Variants in MBNL3 observed in about 807,000 individuals in gnomAD.
The protein encoded by MBNL3 is muscleblind-like protein 3.
MBNL3 carries 6 observed loss-of-function variants against 24.5 expected under a neutral mutation model. That is an observed-to-expected ratio of 0.25 (90% CI 0.13 to 0.48). The LOEUF is 0.48. Ranked by LOEUF, MBNL3 falls within the 20% of genes least tolerant of loss-of-function variation. The pLI is 0.99. For synonymous variants in MBNL3, 100 were observed against 101.7 expected (o/e 0.98, Z 0.10); for missense variants, 230 against 293.5 (o/e 0.78, Z 1.58).
chrX:132,442,113 A>T (rs1252750115), intron 1 of MBNL3, among the ~76,000 whole-genome samples: 2 of 111,460 alleles, frequency 1.8e-5, no homozygotes, highest in Non-Finnish European at 3.8e-5. Context: ...AGGGCGAATG[A>T]CTGCTTAATG....
chrX:132,482,426 T>G (rs1325044360), intron 1 of MBNL3, among the ~76,000 whole-genome samples: 1 of 111,767 alleles, frequency 8.9e-6, no homozygotes, highest in Non-Finnish European at 1.9e-5. Context: ...ATCCACAGGC[T>G]TTAGCCCTTC....
chrX:132,477,071 A>G (rs1947480858), intron 1 of MBNL3, among the ~76,000 whole-genome samples: 2 of 112,205 alleles, frequency 1.8e-5, no homozygotes, highest in Admixed American at 1.9e-4. Context: ...AAAGAATTAA[A>G]ACCTTTAGCT....
At position 132,413,444 on chromosome X, in the gene MBNL3, A is replaced by G. The variant is rs146523239; in HGVS notation, c.178-7052T>C. 3.2e-3 allele frequency: 3,544 copies of G among 1,097,257 alleles called. 58 individuals carry two copies. In the African/African-American group the frequency reaches 0.055, roughly 17 times the overall value. 90.4% of individuals were successfully genotyped at this position (1,097,257 alleles called of 1,213,427 possible). A position where few individuals can be genotyped will look rare whatever the true frequency, so the allele number is the denominator to read the frequency against. On this transcript the variant is annotated intron_variant, in intron 2 of 8. Transcript: ENST00000370853. ...CTTCTGCCTTGATAAGTTGAGCTCA[A>G]TAAAGGCAAATCCTTGAAAACCCAT...
At chrX:132,468,827 C>T (rs777215728) in intron 1 of MBNL3, among the ~76,000 whole-genome samples, 1 of 112,358 alleles carries the variant, frequency 8.9e-6, no homozygotes, top group East Asian at 2.8e-4. Context: ...AAAATTTATA[C>T]ATGTTTGTTA....
intron 5 of MBNL3, among the ~76,000 whole-genome samples, chrX:132,389,082 C>T (rs1336111425): frequency 8.0e-5 from 9 of 112,243 alleles, no homozygotes; most frequent in Admixed American, 6.6e-4. Flanking sequence ...ATCAAACACA[C>T]TCAAATAATC....
chrX:132,412,270 C>G (rs1183917135), intron 2 of MBNL3, among the ~76,000 whole-genome samples: 1 of 111,282 alleles, frequency 9.0e-6, no homozygotes, highest in Non-Finnish European at 1.9e-5. Flanking sequence ...CCCCACCGGA[C>G]GAATAAAGGA....
At chrX:132,385,370 A>T (rs1411154436) in intron 6 of MBNL3, among the ~76,000 whole-genome samples, 3 of 111,716 alleles carry the variant, frequency 2.7e-5, no homozygotes, top group African/African-American at 9.7e-5. Context: ...CCTTGACTAG[A>T]CTTCCAGGGC....
chrX:132,381,442 T>A, intron 8 of MBNL3: 1 of 1,059,569 alleles, frequency 9.4e-7, no homozygotes, highest in Admixed American at 2.6e-5. Context: ...TCTATAGTAG[T>A]AAAAAAGATT....
chrX:132,470,345 G>A (rs931222747), intron 1 of MBNL3, among the ~76,000 whole-genome samples: 1 of 110,421 alleles, frequency 9.1e-6, no homozygotes, highest in Non-Finnish European at 1.9e-5. Context: ...CATAGTATGT[G>A]CTCAATAAAG....
intron 1 of MBNL3, among the ~76,000 whole-genome samples, chrX:132,453,145 A>G (rs1946194114): frequency 9.0e-6 from 1 of 111,427 alleles, no homozygotes; most frequent in African/African-American, 3.3e-5. Flanking sequence ...TGGGGAAGAG[A>G]AATAATGTGT....
intron 2 of MBNL3, among the ~76,000 whole-genome samples, chrX:132,406,857 A>G (rs1290291340): frequency 2.7e-5 from 3 of 111,889 alleles, no homozygotes; most frequent in Non-Finnish European, 5.6e-5. Flanking sequence ...TGTTGAACTC[A>G]TGAGCAGTAT....
At chrX:132,405,925 A>G (rs1272939616) in intron 3 of MBNL3, among the ~76,000 whole-genome samples, 2 of 109,610 alleles carry the variant, frequency 1.8e-5, no homozygotes, top group East Asian at 5.7e-4. Flanking sequence ...CCCATCAAAG[A>G]ACAAGAAAAT....
At chrX:132,479,094 CA>C (rs1947592801) in intron 1 of MBNL3, among the ~76,000 whole-genome samples, 2 of 111,298 alleles carry the variant, frequency 1.8e-5, no homozygotes, top group African/African-American at 6.5e-5. Flanking sequence ...ACTAAAAATA[CA>C]AAAATTAGCA....
At chrX:132,428,120 G>A (rs1944450455) in intron 2 of MBNL3, among the ~76,000 whole-genome samples, 1 of 111,364 alleles carries the variant, frequency 9.0e-6, no homozygotes, top group Admixed American at 9.6e-5. Flanking sequence ...ACATTTAAAT[G>A]CCTATGACCG....
At chrX:132,471,799 G>A (rs1947194530) in intron 1 of MBNL3, among the ~76,000 whole-genome samples, 2 of 110,736 alleles carry the variant, frequency 1.8e-5, no homozygotes, top group African/African-American at 6.4e-5. Flanking sequence ...TGTACATGCT[G>A]CAGGGGGGAA....
intron 3 of MBNL3, among the ~76,000 whole-genome samples, chrX:132,393,790 A>G (rs775768781): frequency 1.1e-4 from 12 of 111,336 alleles, no homozygotes; most frequent in Non-Finnish European, 2.3e-4. Context: ...TTCACTTGAA[A>G]AAACCCCCGA....
intron 1 of MBNL3, among the ~76,000 whole-genome samples, chrX:132,465,182 TC>T (rs1422358825): frequency 8.9e-6 from 1 of 112,315 alleles, no homozygotes; most frequent in Non-Finnish European, 1.9e-5. Context: ...AAAGCTTACC[TC>T]TGGTAAATTA....
At position 132,489,037 on chromosome X, in the gene MBNL3, G is replaced by A. The variant is rs1948157913; in HGVS notation, c.-890C>T. ...GCATACTGAATGCCGCCATTTTAAA[G>A]CGAGGTTCCTGAAATCATTAGATAT... On this transcript the variant is annotated 5_prime_UTR_variant, in exon 1 of 9. Transcript: ENST00000370853. 1 of 113,408 alleles carries A rather than the reference G, an allele frequency of 8.8e-6. No individual in the cohort carries two copies. The highest frequency in any genetic ancestry group is 3.2e-5 in the African/African-American group (1 of 31,152). 9.3% of individuals were successfully genotyped at this position (113,408 alleles called of 1,213,427 possible).
intron 3 of MBNL3, among the ~76,000 whole-genome samples, chrX:132,398,548 T>G (rs936768701): frequency 4.5e-5 from 5 of 112,078 alleles, no homozygotes; most frequent in Middle Eastern, 9.2e-3. Context: ...AGTCATCAAT[T>G]TGTATACATT....
Sources: allele counts gnomAD v4.1 joint callset (sites outside exome capture counted in the v4.1 genomes callset), GRCh38; gene constraint gnomAD v4.1.1; transcripts MANE v1.5; gene names NCBI Gene and HGNC (gene_info 2026-07-23, HGNC 2026-07-21).